Variants in TLE4 observed in about 807,000 individuals in gnomAD.
TLE4 encodes the protein TLE family member 4, transcriptional corepressor.
TLE4 carries 8 observed loss-of-function variants against 92.8 expected under a neutral mutation model. The observed-to-expected ratio is 0.09, with a 90% confidence interval of 0.05 to 0.16. The LOEUF (loss-of-function observed/expected upper bound fraction) is 0.16, where lower values mean the gene tolerates loss of function less well. TLE4 is among the 10% of genes least tolerant of loss of function. TLE4 has a pLI of 1.00. For missense variants in TLE4, 675 were observed against 997.6 expected, an observed-to-expected ratio of 0.68 and a Z score of 4.36; for synonymous variants, 371 against 374.1, an observed-to-expected ratio of 0.99 and a Z score of 0.10.
intron 10 of TLE4, 65 bp downstream of exon 10, chr9:79,706,007 C>T (rs2071457459): frequency 7.2e-7 from 1 of 1,387,776 alleles, no homozygotes; most frequent in African/African-American, 1.4e-5. Context: ...GTTGCCCAAA[C>T]AATTAGTATC....
rs529121279 is a variant in TLE4, at chr9:79,583,774, A to G, written c.252+7597A>G. On this transcript the variant is annotated intron_variant, in intron 4 of 19. Transcript: ENST00000376552. ...ACTGGAAAGAATAGTCATAGTAGAA[A>G]TTATAAGCACTAGTACTCTGTAACA... Among the ~76,000 whole-genome samples the G allele has an allele frequency of 3.3e-5, 5 of 152,318 alleles. No homozygotes were observed. The South Asian group carries it at 1.0e-3, about 32-fold the overall frequency.
In TLE4 at chr9:79,690,108, C is replaced by T. The variant is rs566766707; in HGVS notation, c.610-14675C>T. On this transcript the variant is annotated intron_variant, in intron 8 of 19. Transcript: ENST00000376552. Reference sequence around the variant, plus strand: ...GATTTTAAGACTCCTTTTGGGGGTCCTTGTTGCTCTATACCTTACTCTTCC... The same window carrying T: ...GATTTTAAGACTCCTTTTGGGGGTCTTTGTTGCTCTATACCTTACTCTTCC... 2.6e-5 allele frequency among the ~76,000 whole-genome samples: 4 copies of T among 152,256 alleles called. No individual in the cohort carries two copies. In the East Asian group the frequency reaches 7.7e-4, roughly 29 times the overall value.
chr9:79,612,386 T>C (rs969041932), intron 4 of TLE4, among the ~76,000 whole-genome samples: 3 of 152,114 alleles, frequency 2.0e-5, no homozygotes, highest in African/African-American at 7.2e-5. Flanking sequence ...TGATTTCCAG[T>C]CATGGAAATT....
rs547580558 is a variant in TLE4 at position 79,680,399 on chromosome 9, G to C, written c.610-24384G>C. 1.6e-3 allele frequency among the ~76,000 whole-genome samples: 242 copies of C among 152,248 alleles called. 1 individual carries two copies. The highest frequency in any genetic ancestry group is 5.5e-3 in the African/African-American group (230 of 41,520). On this transcript the variant is annotated intron_variant, in intron 8 of 19. Coordinates refer to ENST00000376552, the MANE Select transcript of TLE4 (RefSeq NM_007005.6). ...AAGCAATTGTAATTTGAAGCAATGG[G>C]AGTTCACTCATGATTTGGCTCTCTG...
chr9:79,616,804 ACT>A (rs1357276166), intron 5 of TLE4, among the ~76,000 whole-genome samples: 3 of 151,792 alleles, frequency 2.0e-5, no homozygotes, highest in African/African-American at 7.3e-5. Flanking sequence ...TGGACCTAAA[ACT>A]CTACATCACT....
rs569248643 is a variant in TLE4 at position 79,611,526 on chromosome 9, A to T, written c.253-1130A>T. Among the ~76,000 whole-genome samples, 41 of 152,186 alleles carry T rather than the reference A, an allele frequency of 2.7e-4. No individual in the cohort carries two copies. The East Asian group carries it at 7.9e-3, about 29-fold the overall frequency. On this transcript the variant is annotated intron_variant, in intron 4 of 19. Transcript: ENST00000376552. ...AGTAGAGTGTCACTGTCATTCTGGT[A>T]ATGACTTGGCAAGAAAAGGCATTTT...
chr9:79,689,026 A>T (rs1052031163), intron 8 of TLE4, among the ~76,000 whole-genome samples: 4 of 152,142 alleles, frequency 2.6e-5, no homozygotes, highest in African/African-American at 9.7e-5. Flanking sequence ...AGAGTAATGC[A>T]TTTCTCTACC....
At chr9:79,595,165 A>G (rs1285806920) in intron 4 of TLE4, among the ~76,000 whole-genome samples, 2 of 152,152 alleles carry the variant, frequency 1.3e-5, no homozygotes, top group East Asian at 3.9e-4. Flanking sequence ...AGATTAAGGA[A>G]TGCTCCATTT....
chr9:79,660,299 T>C (rs566076246), intron 8 of TLE4, among the ~76,000 whole-genome samples: 13 of 152,362 alleles, frequency 8.5e-5, no homozygotes, highest in Middle Eastern at 3.4e-3. Flanking sequence ...TTATGTGTTA[T>C]TTAGTCCTGT....
At chr9:79,674,056 C>A (rs1588097610) in intron 8 of TLE4, among the ~76,000 whole-genome samples, 2 of 152,212 alleles carry the variant, frequency 1.3e-5, no homozygotes, top group Non-Finnish European at 2.9e-5. Flanking sequence ...AAGTGGGGAT[C>A]CCTTCCCAGA....
intron 14 of TLE4, among the ~76,000 whole-genome samples, chr9:79,711,975 T>A (rs1441229395): frequency 1.3e-5 from 2 of 152,198 alleles, no homozygotes; most frequent in Non-Finnish European, 2.9e-5. Context: ...GAATTTAGAC[T>A]CTGCCAGTTG....
At chr9:79,678,312 A>G (rs1017047425) in intron 8 of TLE4, among the ~76,000 whole-genome samples, 2 of 152,162 alleles carry the variant, frequency 1.3e-5, no homozygotes, top group African/African-American at 4.8e-5. Context: ...ATGTTAATCT[A>G]TGTACATTGT....
At position 79,706,907 on chromosome 9, in the gene TLE4, G is replaced by A. The variant is rs746171980; in HGVS notation, c.936+8G>A. On this transcript the variant is annotated splice_region_variant and intron_variant, in intron 11 of 19. Transcript: ENST00000376552. ...TCCAAAGAACTTAGCCTTGTAAGCA[G>A]CTCCTTACCATCTCTCTGAGTGTGG... 3 of 1,613,264 alleles carry A rather than the reference G, an allele frequency of 1.9e-6. No individual in the cohort carries two copies. Among genetic ancestry groups the A allele is most frequent in the African/African-American group, 2.7e-5 (2 of 74,888 alleles).
chr9:79,599,281 A>G (rs1317126648), intron 4 of TLE4, among the ~76,000 whole-genome samples: 1 of 151,374 alleles, frequency 6.6e-6, no homozygotes, highest in African/African-American at 2.4e-5. Flanking sequence ...CTTATTTTCC[A>G]CTCTATTTTT....
intron 4 of TLE4, among the ~76,000 whole-genome samples, chr9:79,594,736 C>T (rs915896403): frequency 6.6e-6 from 1 of 152,084 alleles, no homozygotes. Context: ...CAACAGGTAC[C>T]CTCCCCATAT....
chr9:79,714,490 T>C (rs1027883430), intron 14 of TLE4, among the ~76,000 whole-genome samples: 5 of 152,230 alleles, frequency 3.3e-5, no homozygotes, highest in Admixed American at 2.6e-4. Context: ...CTTTTGGAAC[T>C]TTTGCTCTCT....
At chr9:79,631,790 G>A (rs1314595617) in intron 6 of TLE4, among the ~76,000 whole-genome samples, 1 of 151,658 alleles carries the variant, frequency 6.6e-6, no homozygotes, top group Non-Finnish European at 1.5e-5. Flanking sequence ...ATGAGCCACC[G>A]TGGTCATTTT....
intron 4 of TLE4, among the ~76,000 whole-genome samples, chr9:79,594,910 T>A (rs2043575514): frequency 1.3e-5 from 2 of 152,230 alleles, no homozygotes; most frequent in African/African-American, 4.8e-5. Flanking sequence ...GCTGTAACAT[T>A]TTTTAACTCT....
At chr9:79,603,739 G>A (rs774947745) in intron 4 of TLE4, among the ~76,000 whole-genome samples, 3 of 152,106 alleles carry the variant, frequency 2.0e-5, no homozygotes, top group Non-Finnish European at 2.9e-5. Context: ...GCCTGCAAAA[G>A]AATTCATGAG....
Sources: allele counts gnomAD v4.1 joint callset (sites outside exome capture counted in the v4.1 genomes callset), GRCh38; gene constraint gnomAD v4.1.1; transcripts MANE v1.5; gene names NCBI Gene and HGNC (gene_info 2026-07-23, HGNC 2026-07-21).